The following BANK1 variants were observed in gnomAD, a reference collection of about 807,000 sequenced individuals.
BANK1 encodes the protein B-cell scaffold protein with ankyrin repeats.
In BANK1, 95 loss-of-function variants were observed where a neutral mutation model predicts 94.5. The ratio of observed to expected loss-of-function variants is 1.00; its 90% confidence interval spans 0.85 to 1.19. BANK1 has a LOEUF of 1.19. Ranked by LOEUF, BANK1 falls within the 50% of genes most tolerant of loss-of-function variation. The probability of loss-of-function intolerance (pLI) is 0.00; values close to 1 mark genes in which losing one functional copy is unlikely to be tolerated. For missense variants in BANK1, 987 were observed against 932.2 expected (o/e 1.06, Z -0.77); for synonymous variants, 334 against 308.4 (o/e 1.08, Z -0.87).
At chr4:101,908,054 A>G (rs2148896134) in intron 6 of BANK1, among the ~76,000 whole-genome samples, 1 of 152,308 alleles carries the variant, frequency 6.6e-6, no homozygotes, top group East Asian at 1.9e-4. Context: ...GGAAAAAACT[A>G]CTTTAAAGGT....
intron 10 of BANK1, among the ~76,000 whole-genome samples, chr4:102,040,199 C>A (rs960108096): frequency 6.6e-6 from 1 of 152,062 alleles, no homozygotes; most frequent in Non-Finnish European, 1.5e-5. Flanking sequence ...TCACCTTCTC[C>A]TCCTCCTCTG....
rs926451073 is a variant in BANK1 at position 101,893,416 on chromosome 4, A to C, written c.904-1889A>C. Reference sequence around the variant, plus strand: ...AGATTTTGTATATTTTTAAAAAGAAATGGCGATGGAGCTCCTCATGTAAAA... The same window carrying C: ...AGATTTTGTATATTTTTAAAAAGAACTGGCGATGGAGCTCCTCATGTAAAA... On this transcript the variant is annotated intron_variant, in intron 5 of 16. Coordinates refer to ENST00000322953, the MANE Select transcript of BANK1 (RefSeq NM_017935.5). Among the ~76,000 whole-genome samples the C allele has an allele frequency of 1.6e-4, 25 of 152,074 alleles. 1 individual carries two copies.
chr4:101,847,569 A>G (rs1255499853), intron 2 of BANK1, among the ~76,000 whole-genome samples: 1 of 151,980 alleles, frequency 6.6e-6, no homozygotes, highest in African/African-American at 2.4e-5. Flanking sequence ...CATCATTCTT[A>G]TGCCTTTGTC....
chr4:101,803,776 T>A (rs1177192437), intron 1 of BANK1, among the ~76,000 whole-genome samples: 2 of 151,514 alleles, frequency 1.3e-5, no homozygotes, highest in Non-Finnish European at 2.9e-5. Flanking sequence ...GGCGGGCGGA[T>A]CACGAGGTCA....
chr4:101,791,786 T>C (rs1724996568), intron 1 of BANK1, among the ~76,000 whole-genome samples: 1 of 152,184 alleles, frequency 6.6e-6, no homozygotes, highest in Admixed American at 6.5e-5. Flanking sequence ...GTAATTTTGG[T>C]TGTAGCTATT....
intron 1 of BANK1, among the ~76,000 whole-genome samples, chr4:101,797,965 T>C (rs1380359982): frequency 6.6e-6 from 1 of 152,104 alleles, no homozygotes; most frequent in Non-Finnish European, 1.5e-5. Flanking sequence ...TCAGTGTTGG[T>C]AGAGAAGGAG....
At chr4:101,825,506 A>C (rs918495278) in intron 1 of BANK1, among the ~76,000 whole-genome samples, 18 of 152,106 alleles carry the variant, frequency 1.2e-4, no homozygotes, top group Non-Finnish European at 2.4e-4. Context: ...GCTTCATATG[A>C]AAAGAAAGAA....
intron 1 of BANK1, among the ~76,000 whole-genome samples, chr4:101,828,733 G>A (rs969730705): frequency 6.6e-6 from 1 of 151,996 alleles, no homozygotes; most frequent in African/African-American, 2.4e-5. Context: ...ATCTGGCCTT[G>A]AAAATGCTCT....
intron 2 of BANK1, among the ~76,000 whole-genome samples, chr4:101,845,016 A>T (rs918552317): frequency 6.6e-6 from 1 of 152,172 alleles, no homozygotes; most frequent in African/African-American, 2.4e-5. Flanking sequence ...TGAGGATCGG[A>T]TATACTTATA....
intron 6 of BANK1, among the ~76,000 whole-genome samples, chr4:101,896,739 A>C (rs1431054475): frequency 6.6e-6 from 1 of 151,986 alleles, no homozygotes; most frequent in Non-Finnish European, 1.5e-5. Flanking sequence ...CAATGAGATA[A>C]ACTTGGTGGT....
At chr4:101,954,169 C>G (rs73834505) in intron 7 of BANK1, among the ~76,000 whole-genome samples, 151 of 152,222 alleles carry the variant, frequency 9.9e-4, no homozygotes, top group African/African-American at 3.4e-3. Flanking sequence ...TCACAAGGCT[C>G]TCTTAAAAGG....
At chr4:101,936,548 G>GTATACA (rs1343116362) in intron 7 of BANK1, among the ~76,000 whole-genome samples, 1 of 149,206 alleles carries the variant, frequency 6.7e-6, no homozygotes, top group East Asian at 2.0e-4. Context: ...ACACATACAC[G>GTATACA]TATACATATA....
intron 6 of BANK1, among the ~76,000 whole-genome samples, chr4:101,901,274 A>G (rs1019357272): frequency 1.3e-5 from 2 of 152,200 alleles, no homozygotes; most frequent in African/African-American, 4.8e-5. Context: ...ATGTACCCCA[A>G]ATATATAAAG....
chr4:101,975,585 A>AT (rs1434555393), intron 7 of BANK1, among the ~76,000 whole-genome samples: 1 of 152,190 alleles, frequency 6.6e-6, no homozygotes, highest in African/African-American at 2.4e-5. Context: ...GGCAGTGCTA[A>AT]TAATAAAATC....
chr4:101,894,530 G>T (rs1324022530), intron 5 of BANK1, among the ~76,000 whole-genome samples: 1 of 151,546 alleles, frequency 6.6e-6, no homozygotes, highest in East Asian at 1.9e-4. Context: ...TTTTATTTTT[G>T]GAAATCCTTT....
At chr4:101,849,338 T>C (rs1205895341) in intron 2 of BANK1, among the ~76,000 whole-genome samples, 1 of 152,192 alleles carries the variant, frequency 6.6e-6, no homozygotes, top group Non-Finnish European at 1.5e-5. Flanking sequence ...AAAGGAGTTA[T>C]GAGAATATAG....
rs950093490 is a variant in BANK1 at position 102,066,129 on chromosome 4, C to CTACTT, written c.2212+2994_2212+2998dup. ...GACTTCTAGGCAATTTATTTTCAAGCTACTTTAAGCCAAGGTAAAAAGAAA... is the reference window on the plus strand; with the variant it reads ...GACTTCTAGGCAATTTATTTTCAAGCTACTTTACTTTAAGCCAAGGTAAAAAGAAA... On this transcript the variant is annotated intron_variant, in intron 13 of 16. Transcript: ENST00000322953. Among the ~76,000 whole-genome samples the CTACTT allele has an allele frequency of 2.0e-4, 31 of 151,986 alleles. 1 individual carries two copies. The highest frequency in any genetic ancestry group is 1.9e-3 in the Admixed American group (29 of 15,270).
At chr4:102,073,558 T>C (rs1290969005) in intron 15 of BANK1, 126 bp from the exon 16 acceptor site, 3 of 751,058 alleles carry the variant, frequency 4.0e-6, no homozygotes, top group Admixed American at 6.3e-5. Flanking sequence ...GTCTTGCCAG[T>C]TTTCTCTGCA....
chr4:101,986,821 GTGTATATATA>G (rs1315260894), intron 7 of BANK1, among the ~76,000 whole-genome samples: 1 of 132,216 alleles, frequency 7.6e-6, no homozygotes. Flanking sequence ...GTATATATAT[GTGTATATATA>G]TGTATATATA....
Sources: allele counts gnomAD v4.1 joint callset (sites outside exome capture counted in the v4.1 genomes callset), GRCh38; gene constraint gnomAD v4.1.1; transcripts MANE v1.5; gene names NCBI Gene and HGNC (gene_info 2026-07-23, HGNC 2026-07-21).